GALNT18: variants seen among roughly 807,000 people sequenced by gnomAD.
The protein encoded by GALNT18 is GalNAc-transferase 18.
GALNT18 carries 44 observed loss-of-function variants against 69.5 expected under a neutral mutation model. The observed-to-expected ratio is 0.63, with a 90% CI of 0.50 to 0.81. The LOEUF (loss-of-function observed/expected upper bound fraction) is 0.81, where lower values mean the gene tolerates loss of function less well. Among genes scored for constraint, GALNT18 ranks in the 40% least tolerant of loss-of-function variants. GALNT18 has a pLI of 0.00. For synonymous variants in GALNT18, 364 were observed against 318.2 expected (o/e 1.14, Z -1.53); for missense variants, 715 against 810.0 (o/e 0.88, Z 1.42).
At chr11:11,342,916 G>A (rs1196387928) in intron 6 of GALNT18, among the ~76,000 whole-genome samples, 1 of 152,146 alleles carries the variant, frequency 6.6e-6, no homozygotes, top group African/African-American at 2.4e-5. Context: ...CATGCAACGT[G>A]CTTAAAAAAT....
At position 11,592,768 on chromosome 11, in the gene GALNT18, A is replaced by C. The variant is rs943867035; in HGVS notation, c.235+28591T>G. 6.6e-6 allele frequency among the ~76,000 whole-genome samples: 1 copy of C among 152,128 alleles called. No individual in the cohort carries two copies. The highest frequency in any genetic ancestry group is 1.5e-5 in the Non-Finnish European group (1 of 68,034). On this transcript the variant is annotated intron_variant, in intron 1 of 10. Coordinates refer to ENST00000227756, the MANE Select transcript of GALNT18 (RefSeq NM_198516.3). The surrounding 1 kb of genome is among the most constrained non-coding windows in gnomAD (Gnocchi z 5.9). ...TAGGCAGTCTGGGGCCCATACTGAA[A>C]ATTTTTTGACATATCTTCAAAGTAT...
intron 9 of GALNT18, among the ~76,000 whole-genome samples, chr11:11,322,016 C>G (rs1261179110): frequency 6.6e-6 from 1 of 152,218 alleles, no homozygotes; most frequent in South Asian, 2.1e-4. Context: ...TTACACTGAA[C>G]AGGAGTCAGG....
At position 11,562,708 on chromosome 11, in the gene GALNT18, G is replaced by A. The variant is rs141038442; in HGVS notation, c.235+58651C>T. Among the ~76,000 whole-genome samples the A allele has an allele frequency of 2.6e-5, 4 of 152,316 alleles. No homozygotes were observed. The highest frequency in any genetic ancestry group is 4.8e-5 in the African/African-American group (2 of 41,574). On this transcript the variant is annotated intron_variant, in intron 1 of 10. Transcript: ENST00000227756. The surrounding 1 kb of genome is among the most constrained non-coding windows in gnomAD (Gnocchi z 4.1). ...AAAGTATTACATATTATGAAATTCCGTAGGGAGAAAGGCTCAACCACGCAT... is the reference window on the plus strand; with the variant it reads ...AAAGTATTACATATTATGAAATTCCATAGGGAGAAAGGCTCAACCACGCAT...
intron 1 of GALNT18, among the ~76,000 whole-genome samples, chr11:11,599,063 T>A (rs186119165): frequency 6.6e-6 from 1 of 152,292 alleles, no homozygotes; most frequent in East Asian, 1.9e-4. Flanking sequence ...AAATGTGTAT[T>A]CTGCTGTTAT....
chr11:11,607,402 G>A (rs1422209476), intron 1 of GALNT18, among the ~76,000 whole-genome samples: 1 of 152,144 alleles, frequency 6.6e-6, no homozygotes, highest in African/African-American at 2.4e-5. Context: ...CTCTAGTAAA[G>A]AAGCAAAACC....
At position 11,500,745 on chromosome 11, in the gene GALNT18, G is replaced by A. The variant is rs538351887; in HGVS notation, c.236-51809C>T. 6.6e-6 allele frequency among the ~76,000 whole-genome samples: 1 copy of A among 152,314 alleles called. No individual in the cohort carries two copies. Among genetic ancestry groups the A allele is most frequent in the Admixed American group, 6.5e-5 (1 of 15,300 alleles). ...CTCCTTACTTCTCTTTATGGATAGT[G>A]AATTGCCTCAGGTAAGGAGTCAAGG... On this transcript the variant is annotated intron_variant, in intron 1 of 10. Coordinates refer to ENST00000227756, the MANE Select transcript of GALNT18 (RefSeq NM_198516.3). The surrounding 1 kb of genome is among the most constrained non-coding windows in gnomAD (Gnocchi z 5.0).
chr11:11,358,088 C>T (rs1430354222), intron 6 of GALNT18, among the ~76,000 whole-genome samples: 2 of 91,242 alleles, frequency 2.2e-5, no homozygotes, highest in East Asian at 4.0e-4. Flanking sequence ...ATCTCCTATG[C>T]CCATGTCCAA....
chr11:11,349,052 C>G (rs1028960664), intron 6 of GALNT18, among the ~76,000 whole-genome samples: 13 of 152,264 alleles, frequency 8.5e-5, no homozygotes, highest in African/African-American at 2.9e-4. Context: ...TGCCATAAAC[C>G]TACACTGCAC....
intron 1 of GALNT18, among the ~76,000 whole-genome samples, chr11:11,506,873 C>G (rs768112637): frequency 1.3e-5 from 2 of 152,198 alleles, no homozygotes; most frequent in Non-Finnish European, 2.9e-5. Context: ...AGCCTGTCCT[C>G]TCTCAGATAA....
rs1365970775 is a variant in GALNT18 at position 11,320,142 on chromosome 11, A to G, written c.1512+6944T>C. Among the ~76,000 whole-genome samples, 1 of 152,196 alleles carries G rather than the reference A, an allele frequency of 6.6e-6. No homozygotes were observed. ...TGGCATGGCTGGGATTTGAACCCAT[A>G]TAGTCTGGTTCTTAATCACTATATA... On this transcript the variant is annotated intron_variant, in intron 9 of 10. Coordinates refer to ENST00000227756, the MANE Select transcript of GALNT18 (RefSeq NM_198516.3). The surrounding 1 kb of genome is among the most constrained non-coding windows in gnomAD (Gnocchi z 4.9).
intron 1 of GALNT18, among the ~76,000 whole-genome samples, chr11:11,525,853 C>T (rs1857510274): frequency 6.6e-6 from 1 of 151,942 alleles, no homozygotes; most frequent in African/African-American, 2.4e-5. Context: ...AGGCTGGTCT[C>T]GAACTCCCAA....
intron 1 of GALNT18, among the ~76,000 whole-genome samples, chr11:11,489,842 T>C (rs558321809): frequency 2.0e-5 from 3 of 152,198 alleles, no homozygotes; most frequent in African/African-American, 7.2e-5. Context: ...ACACAGAAAG[T>C]TTATATTAAA....
intron 1 of GALNT18, among the ~76,000 whole-genome samples, chr11:11,474,792 T>G (rs185035475): frequency 6.6e-6 from 1 of 152,338 alleles, no homozygotes; most frequent in East Asian, 1.9e-4. Context: ...GTTGCTGCAG[T>G]GCAAACAGGG....
At chr11:11,414,051 C>A (rs1854795536) in intron 3 of GALNT18, among the ~76,000 whole-genome samples, 1 of 152,162 alleles carries the variant, frequency 6.6e-6, no homozygotes, top group Admixed American at 6.5e-5. Context: ...ATCTTCCATT[C>A]CTTCCTTTCC....
intron 9 of GALNT18, among the ~76,000 whole-genome samples, chr11:11,293,465 A>T (rs1281744703): frequency 1.3e-5 from 2 of 151,754 alleles, no homozygotes; most frequent in Non-Finnish European, 2.9e-5. Flanking sequence ...TTTCTGTTCT[A>T]ATCTTTCATT....
intron 1 of GALNT18, among the ~76,000 whole-genome samples, chr11:11,551,361 A>G (rs1034505015): frequency 3.3e-5 from 5 of 152,122 alleles, no homozygotes; most frequent in African/African-American, 1.2e-4. Context: ...TGGCGTTAAG[A>G]CCACTGCCTT....
At chr11:11,588,043 AG>A (rs2133921965) in intron 1 of GALNT18, among the ~76,000 whole-genome samples, 1 of 152,170 alleles carries the variant, frequency 6.6e-6, no homozygotes, top group East Asian at 1.9e-4. Context: ...AACTTTCTGC[AG>A]TTGAAATCTA....
At chr11:11,362,831 A>G (rs1029342700) in intron 6 of GALNT18, among the ~76,000 whole-genome samples, 4 of 152,198 alleles carry the variant, frequency 2.6e-5, no homozygotes, top group African/African-American at 9.6e-5. Flanking sequence ...TCGCAATTCC[A>G]TTTCTAGGAA....
At chr11:11,558,673 C>T (rs536365290) in intron 1 of GALNT18, among the ~76,000 whole-genome samples, 122 of 152,380 alleles carry the variant, frequency 8.0e-4, no homozygotes, top group African/African-American at 2.9e-3. Flanking sequence ...TGGGATAAAG[C>T]TCCCCTCTTC....
Sources: allele counts gnomAD v4.1 joint callset (sites outside exome capture counted in the v4.1 genomes callset), GRCh38; gene constraint gnomAD v4.1.1; non-coding constraint Gnocchi (gnomAD v3.1); transcripts MANE v1.5; gene names NCBI Gene and HGNC (gene_info 2026-07-23, HGNC 2026-07-21).